The following SYNE2 variants were observed in gnomAD, a reference collection of about 807,000 sequenced individuals.
SYNE2 encodes the protein spectrin repeat containing nuclear envelope protein 2, also known as nesprin-2.
A neutral mutation model predicts 856.3 loss-of-function variants in SYNE2; 431 were observed. The ratio of observed to expected loss-of-function variants is 0.50; its 90% CI spans 0.47 to 0.55. The LOEUF (loss-of-function observed/expected upper bound fraction) is 0.55. Among genes scored for constraint, SYNE2 ranks in the 20% least tolerant of loss-of-function variants. The pLI is 0.00. For synonymous variants in SYNE2, 2,923 were observed against 2,872.3 expected (o/e 1.02, Z -0.56); for missense variants, 8,129 against 8,023.2 (o/e 1.01, Z -0.50).
In SYNE2 at chr14:64,025,016, C is replaced by A; in HGVS notation, c.5945C>A (p.Ala1982Asp). 1 of 1,614,014 alleles carries A rather than the reference C, an allele frequency of 6.2e-7. No individual in the cohort carries two copies. ...GAGAAAACTGAGCTGTTCTGCCAAG[C>A]TTTAGCTAGAAAGAGGTATAGCTGA... ...PGEKTELFCQ[A>D]LARKREQFES... Residue 1982 changes from alanine (A) to aspartate (D), a missense_variant, in exon 40 of 116, where the codon GCT becomes GAT. By Grantham distance (126) the Ala-to-Asp change is moderately radical (BLOSUM62 -2). Around this residue, in one of 3 missense-constraint regions of SYNE2, gnomAD observed 2,422 missense variants for 2,357.4 expected, o/e 1.03. Coordinates refer to ENST00000555002, the MANE Select transcript of SYNE2 (RefSeq NM_182914.3).
At chr14:63,990,623 C>A in intron 20 of SYNE2, 54 bp downstream of exon 20, 2 of 1,530,160 alleles carry the variant, frequency 1.3e-6, no homozygotes, top group South Asian at 1.1e-5. Context: ...ACTGAGGGGT[C>A]ACTGAGTGGG....
intron 1 of SYNE2, among the ~76,000 whole-genome samples, chr14:63,853,868 C>T (rs1834007275): frequency 2.0e-5 from 3 of 152,268 alleles, no homozygotes; most frequent in Admixed American, 2.0e-4. Flanking sequence ...CCTTTAGGGT[C>T]TGACGGTGGC....
chr14:63,772,900 C>A (rs12896920), intron 1 of SYNE2, among the ~76,000 whole-genome samples: 1 of 151,774 alleles, frequency 6.6e-6, no homozygotes, highest in African/African-American at 2.4e-5. Context: ...GCCTCAGCCT[C>A]CCGAGTAGCT....
At chr14:64,223,418 G>T (rs373844883) in intron 113 of SYNE2, 38 bp downstream of exon 113, 231 of 1,606,310 alleles carry the variant, frequency 1.4e-4, no homozygotes, top group Non-Finnish European at 1.8e-4. Context: ...AAAGATTGCC[G>T]TATTACATGC....
chr14:63,850,637 T>G (rs1890379148), upstream of SYNE2, among the ~76,000 whole-genome samples: 1 of 152,208 alleles, frequency 6.6e-6, no homozygotes, highest in South Asian at 2.1e-4. Flanking sequence ...TTTAATCTGC[T>G]GATTTAAAAG....
At chr14:63,926,263 T>G (rs79074641) in intron 2 of SYNE2, among the ~76,000 whole-genome samples, 1 of 149,958 alleles carries the variant, frequency 6.7e-6, no homozygotes, top group Non-Finnish European at 1.5e-5. Flanking sequence ...GGCAATCAAT[T>G]AATCTACTTT....
intron 97 of SYNE2, 79 bp downstream of exon 97, chr14:64,186,658 G>A: frequency 6.3e-7 from 1 of 1,597,960 alleles, no homozygotes. Flanking sequence ...GTAGAAAGGA[G>A]CTTAATTTCA....
chr14:63,976,737 G>GA lies in SYNE2; in HGVS notation c.1293+18dup, dbSNP rs773022470. On this transcript the variant is annotated intron_variant, in intron 12 of 115. Transcript: ENST00000555002. ...AATGACTTTATTCAAGGTTGGAAAA[G>GA]AAAAAAAAGAGATGTAGGAAAATAC... is the stretch of plus-strand genomic sequence containing the variant. 2.1e-5 allele frequency: 33 copies of GA among 1,607,078 alleles called. No individual in the cohort carries two copies. The highest frequency in any genetic ancestry group is 3.3e-4 in the Middle Eastern group (2 of 6,032).
chr14:64,077,345 C>G (rs1237910263), intron 54 of SYNE2, among the ~76,000 whole-genome samples: 1 of 151,302 alleles, frequency 6.6e-6, no homozygotes, highest in Non-Finnish European at 1.5e-5. Flanking sequence ...TAATTTGTGA[C>G]ACAGCCAGCC....
intron 2 of SYNE2, among the ~76,000 whole-genome samples, chr14:63,926,538 G>T (rs2095668412): frequency 6.6e-6 from 1 of 152,150 alleles, no homozygotes; most frequent in Non-Finnish European, 1.5e-5. Context: ...GCACCCACAG[G>T]CAATGCACAA....
intron 2 of SYNE2, among the ~76,000 whole-genome samples, chr14:63,911,484 A>G (rs935224597): frequency 1.3e-5 from 2 of 152,196 alleles, no homozygotes; most frequent in Non-Finnish European, 2.9e-5. Context: ...TTTTGCATAC[A>G]TTATCTCATT....
chr14:64,037,405 C>T (rs1243203900), intron 45 of SYNE2, among the ~76,000 whole-genome samples: 5 of 151,640 alleles, frequency 3.3e-5, no homozygotes, highest in East Asian at 1.9e-4. Flanking sequence ...CCATTTAACC[C>T]TGAGTGGACA....
chr14:64,021,401 C>T lies in SYNE2; in HGVS notation c.5238C>T (p.Ser1746=), dbSNP rs761113919. 51 of 1,614,000 alleles carry T rather than the reference C, an allele frequency of 3.2e-5. No individual in the cohort carries two copies. The highest frequency in any genetic ancestry group is 4.2e-5 in the Non-Finnish European group (50 of 1,179,974). The change falls in exon 36 of 116, where the codon AGC becomes AGT. Residue 1746 remains serine, a synonymous_variant. Coordinates refer to ENST00000555002, the MANE Select transcript of SYNE2 (RefSeq NM_182914.3). ...GESNCHALSG[S]TAELREDLDQ... ...CCAACTGCCATGCACTCAGTGGCAG[C>T]ACTGCTGAGCTAAGGGAGGATCTCG... is the stretch of plus-strand genomic sequence containing the variant.
intron 95 of SYNE2, among the ~76,000 whole-genome samples, chr14:64,176,724 A>G (rs1366871049): frequency 6.6e-6 from 1 of 152,210 alleles, no homozygotes; most frequent in Non-Finnish European, 1.5e-5. Flanking sequence ...AAATTAAAGT[A>G]GAAATCACAT....
intron 1 of SYNE2, among the ~76,000 whole-genome samples, chr14:63,894,674 C>T (rs1471000542): frequency 6.6e-6 from 1 of 152,152 alleles, no homozygotes. Flanking sequence ...TAAGTATATT[C>T]ACCAGGAGTA....
chr14:64,026,157 AT>A (rs1162429712), intron 41 of SYNE2, among the ~76,000 whole-genome samples: 1 of 152,190 alleles, frequency 6.6e-6, no homozygotes, highest in Non-Finnish European at 1.5e-5. Context: ...ACGAGAATTA[AT>A]TATGTCATGG....
chr14:63,988,268 G>A (rs1413431308), intron 19 of SYNE2, among the ~76,000 whole-genome samples: 2 of 152,184 alleles, frequency 1.3e-5, no homozygotes, highest in Non-Finnish European at 2.9e-5. Context: ...AGTAGAGATA[G>A]GGTTTTGCTG....
chr14:64,190,272 A>T (rs747807762), intron 99 of SYNE2, 35 bp downstream of exon 99: 1 of 1,612,768 alleles, frequency 6.2e-7, no homozygotes, highest in Non-Finnish European at 8.5e-7. Flanking sequence ...ACTCTCCAGG[A>T]ACAGTAATTA....
rs1395737115 is a variant in SYNE2, at chr14:64,093,475, C to G, written c.12103C>G (p.Leu4035Val). ...AGACCAAGCTGACAAGCTGCCACAA[C>G]TACAGGTATGTTTCTTTCATTCATA... is the stretch of plus-strand genomic sequence containing the variant. ...SPDQADKLPQLQGEIERMEKQ... is the reference protein window; with the variant it reads ...SPDQADKLPQVQGEIERMEKQ... The change falls in exon 61 of 116, where the codon CTA becomes GTA. Residue 4035 changes from leucine to valine, a missense_variant. Transcript: ENST00000555002. 2 of 1,614,132 alleles carry G rather than the reference C, an allele frequency of 1.2e-6. No individual in the cohort carries two copies. Among genetic ancestry groups the G allele is most frequent in the Admixed American group, 3.3e-5 (2 of 60,022 alleles).
Sources: gnomAD v4.1 joint callset for allele counts (sites outside exome capture counted in the v4.1 genomes callset) on GRCh38, gnomAD v4.1.1 for gene constraint, gnomAD v4.1.1 regional missense constraint, MANE v1.5 for transcripts, NCBI Gene and HGNC (gene_info 2026-07-23, HGNC 2026-07-21) for gene names.